Variants in TNPO2 observed in about 807,000 individuals in gnomAD.
The protein encoded by TNPO2 is transportin 2, also known as transportin-2.
In TNPO2, 16 loss-of-function variants were observed where a neutral mutation model predicts 111.1. The ratio of observed to expected loss-of-function variants is 0.14; its 90% confidence interval spans 0.10 to 0.22. TNPO2 has a LOEUF of 0.22. TNPO2 is among the 10% of genes least tolerant of loss of function. The probability of loss-of-function intolerance (pLI) is 1.00; values close to 1 mark genes in which losing one functional copy is unlikely to be tolerated. For synonymous variants in TNPO2, 481 were observed against 475.8 expected (o/e 1.01, Z -0.14); for missense variants, 530 against 1,173.7 (o/e 0.45, Z 8.01).
rs375658390 is a variant in TNPO2, at chr19:12,703,673, G to A, written c.2110+41C>T. 6.8e-5 allele frequency: 108 copies of A among 1,597,952 alleles called. No individual in the cohort carries two copies. The African/African-American group carries it at 1.1e-3, about 16-fold the overall frequency. ...GTATTGCTCTCCATCACTTGAGGCCGGGGCTGGGGTCATGGGTTAGGGACA... is the reference window on the plus strand; with the variant it reads ...GTATTGCTCTCCATCACTTGAGGCCAGGGCTGGGGTCATGGGTTAGGGACA... On this transcript the variant is annotated intron_variant, in intron 19 of 25. Coordinates refer to ENST00000425528, the MANE Select transcript of TNPO2 (RefSeq NM_001382241.1).
In TNPO2 at chr19:12,719,215, G is replaced by A. The variant is rs2026531957; in HGVS notation, c.176-37C>T. 2 of 1,613,846 alleles carry A rather than the reference G, an allele frequency of 1.2e-6. No homozygotes were observed. The highest frequency in any genetic ancestry group is 4.5e-5 in the East Asian group (2 of 44,880). ...AAGGCTGAGGTTCAGGGGCCCAGGGGGAGAAAGCAGGGTCCCGATCGCATG... is the reference window on the plus strand; with the variant it reads ...AAGGCTGAGGTTCAGGGGCCCAGGGAGAGAAAGCAGGGTCCCGATCGCATG... On this transcript the variant is annotated intron_variant, in intron 4 of 25. Transcript: ENST00000425528. The surrounding 1 kb of genome is among the most constrained non-coding windows in gnomAD (Gnocchi z 5.0).
chr19:12,714,828 G>C lies in TNPO2; in HGVS notation c.883C>G (p.Leu295Val). The C allele has an allele frequency of 1.2e-6, 2 of 1,613,738 alleles. No homozygotes were observed. Among genetic ancestry groups the C allele is most frequent in the Non-Finnish European group, 1.7e-6 (2 of 1,179,672 alleles). Residue 295 changes from leucine to valine, a missense_variant, in exon 10 of 26, where the codon CTG becomes GTG. This residue lies in a region of TNPO2 where 156 missense variants were observed against 405.8 expected (regional missense o/e 0.38). Coordinates refer to ENST00000425528, the MANE Select transcript of TNPO2 (RefSeq NM_001382241.1). ...GGCAGCAGCAGCACTCACTGGACCA[G>C]ATGGGAGGCCAGGACTTCCTTGCAG... ...PICKEVLASH[L>V]VQLIPILVNG...
At position 12,702,774 on chromosome 19, in the gene TNPO2, C is replaced by T; in HGVS notation, c.2305+49G>A. Reference sequence around the variant, plus strand: ...TGCCCTTCCCAGCCCAGAACCCCACCTCCAGAAGGCAGGCAGGGGTGCAGG... The same window carrying T: ...TGCCCTTCCCAGCCCAGAACCCCACTTCCAGAAGGCAGGCAGGGGTGCAGG... On this transcript the variant is annotated intron_variant, in intron 21 of 25. Coordinates refer to ENST00000425528, the MANE Select transcript of TNPO2 (RefSeq NM_001382241.1). This position sits in a 1 kb window ranked among gnomAD's most constrained non-coding sequence, Gnocchi z 5.5. 6.4e-7 allele frequency: 1 copy of T among 1,566,898 alleles called. No homozygotes were observed.
rs367641530 is a variant in TNPO2, at chr19:12,711,643, G to A, written c.891-30C>T. ...ACAGAGAGGGACTGTTTATGGGGAT[G>A]CAGGGGCCGTGGCAAAAGTTGGGGG... On this transcript the variant is annotated intron_variant, in intron 10 of 25. Coordinates refer to ENST00000425528, the MANE Select transcript of TNPO2 (RefSeq NM_001382241.1). 1.5e-3 allele frequency: 2,448 copies of A among 1,606,260 alleles called. 49 individuals carry two copies. The South Asian group carries it at 0.025, about 17-fold the overall frequency.
rs1348879804 is a variant in TNPO2, at chr19:12,701,787, T to G, written c.2476A>C (p.Met826Leu). The change falls in exon 23 of 26, where the codon ATG becomes CTG. Residue 826 changes from methionine to leucine, a missense_variant. Met to Leu is a conservative substitution (Grantham distance 15). Coordinates refer to ENST00000425528, the MANE Select transcript of TNPO2 (RefSeq NM_001382241.1). This position sits in a 1 kb window ranked among gnomAD's most constrained non-coding sequence, Gnocchi z 5.0. Reference protein sequence around the residue: ...EKDSAFRGICMMIGVNPGGVV... With the variant: ...EKDSAFRGICLMIGVNPGGVV... The stretch of plus-strand genomic sequence containing the variant: ...CCCCCCGGGTTGACACCGATCATCA[T>G]GCAGATGCCGCGGAAGGCTGAGTCC... The G allele has an allele frequency of 6.2e-7, 1 of 1,613,744 alleles. No individual in the cohort carries two copies. The highest frequency in any genetic ancestry group is 8.5e-7 in the Non-Finnish European group (1 of 1,179,862).
chr19:12,711,426 A>G lies in TNPO2; in HGVS notation c.987T>C (p.Ser329=), dbSNP rs1264702322. 1 of 1,613,986 alleles carries G rather than the reference A, an allele frequency of 6.2e-7. No individual in the cohort carries two copies. The part of the protein sequence containing the change: ...DVEEDEAVPD[S]EQDIKPRFHK... Reference sequence around the variant, plus strand: ...GGAAGCGTGGCTTGATGTCCTGCTCACTGTCGGGGACAGCCTCATCCTCCT... The same window carrying G: ...GGAAGCGTGGCTTGATGTCCTGCTCGCTGTCGGGGACAGCCTCATCCTCCT... The change falls in exon 12 of 26, where the codon AGT becomes AGC. Residue 329 remains serine (S), a synonymous_variant. Transcript: ENST00000425528.
chr19:12,708,407 C>T lies in TNPO2; in HGVS notation c.1271-1612G>A, dbSNP rs62108392. ...TTGGCCTCCCAGAGTGCTGGGATTA[C>T]AGGCTTAAGCCACCACACCCAGGGT... On this transcript the variant is annotated intron_variant, in intron 13 of 25. Coordinates refer to ENST00000425528, the MANE Select transcript of TNPO2 (RefSeq NM_001382241.1). Among the ~76,000 whole-genome samples the T allele has an allele frequency of 1.9e-3, 281 of 147,938 alleles. 2 individuals carry two copies. Among genetic ancestry groups the T allele is most frequent in the Non-Finnish European group, 3.1e-3 (207 of 67,174 alleles).
chr19:12,721,232 G>A lies in TNPO2; in HGVS notation c.-13-242C>T. 1 of 1,316,164 alleles carries A rather than the reference G, an allele frequency of 7.6e-7. No individual in the cohort carries two copies. Among genetic ancestry groups the A allele is most frequent in the Non-Finnish European group, 9.7e-7 (1 of 1,033,252 alleles). 81.5% of individuals were successfully genotyped at this position (1,316,164 alleles called of 1,614,324 possible). A position where few individuals can be genotyped will look rare whatever the true frequency, so the allele number is the denominator to read the frequency against. On this transcript the variant is annotated intron_variant, in intron 2 of 25. Coordinates refer to ENST00000425528, the MANE Select transcript of TNPO2 (RefSeq NM_001382241.1). The surrounding 1 kb of genome is among the most constrained non-coding windows in gnomAD (Gnocchi z 4.9). ...TGGAAACGGGCCACAGGCGGCGGCG[G>A]CGGGGCCCGGCGGATCCTCATGGGA...
intron 20 of TNPO2, 27 bp downstream of exon 20, chr19:12,703,401 G>A (rs748549687): frequency 3.7e-6 from 6 of 1,600,558 alleles, no homozygotes; most frequent in South Asian, 3.3e-5. Flanking sequence ...AATGGGGGGC[G>A]CGTGTTGCCA....
chr19:12,704,815 T>C (rs1054321024), intron 18 of TNPO2, among the ~76,000 whole-genome samples: 2 of 152,080 alleles, frequency 1.3e-5, no homozygotes, highest in Admixed American at 6.6e-5. Flanking sequence ...TCCAAGTAGC[T>C]GGGATTACAG....
intron 19 of TNPO2, 72 bp from the exon 20 acceptor site, chr19:12,703,598 C>T (rs919346572): frequency 6.4e-7 from 1 of 1,568,554 alleles, no homozygotes; most frequent in Non-Finnish European, 8.8e-7. Flanking sequence ...GTCCAGCAGG[C>T]CCCATCAGAC....
rs2025188892 is a variant in TNPO2 at position 12,699,687 on chromosome 19, A to G, written c.*1577T>C. The G allele has an allele frequency of 6.6e-6, 1 of 151,594 alleles. No individual in the cohort carries two copies. Among genetic ancestry groups the G allele is most frequent in the South Asian group, 2.1e-4 (1 of 4,806 alleles). The allele number at this position is 151,594 out of a possible 1,614,324, so 9.4% of individuals were successfully genotyped here. A position where few individuals can be genotyped will look rare whatever the true frequency, so the allele number is the denominator to read the frequency against. ...TTTTTTTTTTTAACAAATGGCTTCC[A>G]GAGACCTGCTCGAGTTTCATGGGGT... On this transcript the variant is annotated 3_prime_UTR_variant, in exon 26 of 26. Transcript: ENST00000425528.
Position 12,701,307 on chromosome 19 carries a change from C to G in TNPO2, c.*20+19G>C. The G allele has an allele frequency of 1.3e-6, 2 of 1,546,490 alleles. No homozygotes were observed. The highest frequency in any genetic ancestry group is 1.8e-6 in the Non-Finnish European group (2 of 1,121,824). On this transcript the variant is annotated intron_variant, in intron 25 of 25. Transcript: ENST00000425528. The surrounding 1 kb of genome is among the most constrained non-coding windows in gnomAD (Gnocchi z 5.0). The stretch of plus-strand genomic sequence containing the variant: ...CGGCCCCCAAGACAGTGCTGACTTG[C>G]CAGCTGCAGTCTCCTTACCTGGCAG...
intron 10 of TNPO2, among the ~76,000 whole-genome samples, chr19:12,714,364 G>T (rs1451095290): frequency 6.7e-6 from 1 of 150,108 alleles, no homozygotes; most frequent in Non-Finnish European, 1.5e-5. Context: ...CCAGGCTGGA[G>T]TGCAGTGGCA....
Position 12,721,259 on chromosome 19 carries a change from C to A in TNPO2, c.-13-269G>T, listed in dbSNP as rs992049572. 3.1e-6 allele frequency: 4 copies of A among 1,300,326 alleles called. No individual in the cohort carries two copies. The African/African-American group carries it at 4.8e-5, about 16-fold the overall frequency. 80.5% of individuals were successfully genotyped at this position (1,300,326 alleles called of 1,614,324 possible). A position where few individuals can be genotyped will look rare whatever the true frequency, so the allele number is the denominator to read the frequency against. ...GGGGCCCGGCGGATCCTCATGGGACCCAGCGAAGAGCCCTCGTCCCAGGGT... is the reference window on the plus strand; with the variant it reads ...GGGGCCCGGCGGATCCTCATGGGACACAGCGAAGAGCCCTCGTCCCAGGGT... On this transcript the variant is annotated intron_variant, in intron 2 of 25. Coordinates refer to ENST00000425528, the MANE Select transcript of TNPO2 (RefSeq NM_001382241.1). This position sits in a 1 kb window ranked among gnomAD's most constrained non-coding sequence, Gnocchi z 4.9.
At chr19:12,717,770 G>A (rs996153738) in intron 5 of TNPO2, among the ~76,000 whole-genome samples, 2 of 151,982 alleles carry the variant, frequency 1.3e-5, no homozygotes, top group South Asian at 2.1e-4. Context: ...TCTGCCTCCC[G>A]GGCTCAAGCA....
chr19:12,699,464 T>TA lies in TNPO2; in HGVS notation c.*1799dup, dbSNP rs141687742. ...ATTAAAAAATTAAATAGTTTTTTTT[T>TA]AAAAAAAAAAAAAAAAAGGAAAACG... On this transcript the variant is annotated 3_prime_UTR_variant, in exon 26 of 26. Transcript: ENST00000425528. 2.2e-3 allele frequency: 259 copies of TA among 118,972 alleles called. No homozygotes were observed. Among genetic ancestry groups the TA allele is most frequent in the South Asian group, 8.3e-3 (38 of 4,552 alleles). 7.4% of individuals were successfully genotyped at this position (118,972 alleles called of 1,614,324 possible).
At chr19:12,712,010 G>T (rs2026081247) in intron 10 of TNPO2, among the ~76,000 whole-genome samples, 1 of 151,914 alleles carries the variant, frequency 6.6e-6, no homozygotes, top group African/African-American at 2.4e-5. Flanking sequence ...ATAGATCTTA[G>T]ATATGATTAT....
chr19:12,710,078 G>A (rs905184356), intron 13 of TNPO2, among the ~76,000 whole-genome samples: 10 of 152,078 alleles, frequency 6.6e-5, no homozygotes, highest in Non-Finnish European at 1.2e-4. Flanking sequence ...CCGGGACCAT[G>A]GGAGCCTGAA....
Sources: gnomAD v4.1 joint callset for allele counts (sites outside exome capture counted in the v4.1 genomes callset) on GRCh38, gnomAD v4.1.1 for gene constraint, gnomAD v4.1.1 regional missense constraint, Gnocchi (gnomAD v3.1) non-coding constraint, MANE v1.5 for transcripts, NCBI Gene and HGNC (gene_info 2026-07-23, HGNC 2026-07-21) for gene names.